The following RASGRP3 variants were observed in gnomAD, a reference collection of about 807,000 sequenced individuals.
RASGRP3 encodes ras guanyl-releasing protein 3.
A neutral mutation model predicts 82.7 loss-of-function variants in RASGRP3; 54 were observed. The observed-to-expected ratio is 0.65, with a 90% CI of 0.52 to 0.82. RASGRP3 has a LOEUF of 0.82. Among genes scored for constraint, RASGRP3 ranks in the 40% least tolerant of loss-of-function variants. RASGRP3 has a pLI of 0.00. For missense variants in RASGRP3, 861 were observed against 828.9 expected (o/e 1.04, Z -0.48); for synonymous variants, 309 against 300.5 (o/e 1.03, Z -0.29).
chr2:33,538,430 G>A (rs4670189), intron 11 of RASGRP3, among the ~76,000 whole-genome samples: 1 of 151,860 alleles, frequency 6.6e-6, no homozygotes, highest in Admixed American at 6.6e-5. Context: ...TTGAACTTGG[G>A]AGGCAGAGGT....
Position 33,549,740 on chromosome 2 carries a change from T to C in RASGRP3, c.1531T>C (p.Cys511Arg), listed in dbSNP as rs1675191280. The C allele has an allele frequency of 1.2e-6, 2 of 1,613,026 alleles. No homozygotes were observed. Among genetic ancestry groups the C allele is most frequent in the Admixed American group, 1.7e-5 (1 of 59,820 alleles). ...TCTCAAGCCAACCTTCTGCGAACAC[T>C]GTGCGGGATTTGTAAGTCTGTTTTC... ...TYLKPTFCEH[C>R]AGFLWGIIKQ... The change falls in exon 14 of 18, where the codon TGT becomes CGT. Residue 511 changes from cysteine to arginine, a missense_variant. Cys to Arg is a radical substitution (Grantham distance 180). Transcript: ENST00000403687.
In RASGRP3 at chr2:33,523,980, G is replaced by C; in HGVS notation, c.618G>C (p.Gln206His). 1 of 1,613,988 alleles carries C rather than the reference G, an allele frequency of 6.2e-7. No individual in the cohort carries two copies. The highest frequency in any genetic ancestry group is 8.5e-7 in the Non-Finnish European group (1 of 1,179,870). The change falls in exon 8 of 18, where the codon CAG (glutamine) becomes CAC (histidine). Residue 206 changes from glutamine to histidine, a missense_variant. Coordinates refer to ENST00000403687, the MANE Select transcript of RASGRP3 (RefSeq NM_001139488.2). Reference sequence around the variant, plus strand: ...TTAATGGAATCTCTAAGTGGGTCCAGTTGATGGTTCTTAGCAAACCAACCC... The same window carrying C: ...TTAATGGAATCTCTAAGTGGGTCCACTTGATGGTTCTTAGCAAACCAACCC... ...ALFNGISKWV[Q>H]LMVLSKPTPQ... is the part of the protein sequence containing the mutation.
chr2:33,467,757 A>G lies in RASGRP3; in HGVS notation c.-261+19814A>G, dbSNP rs180681015. On this transcript the variant is annotated intron_variant, in intron 2 of 18. Coordinates refer to the RASGRP3 transcript ENST00000402538. The stretch of plus-strand genomic sequence containing the variant: ...CTGACAGTGCCTATATGAGATTGGT[A>G]CCTTTTGGGAATTTCTACCTAAGGC... Among the ~76,000 whole-genome samples, 4 of 152,258 alleles carry G rather than the reference A, an allele frequency of 2.6e-5. No homozygotes were observed. In the East Asian group the frequency reaches 7.7e-4, roughly 29 times the overall value.
intron 1 of RASGRP3, among the ~76,000 whole-genome samples, chr2:33,494,655 T>A (rs1669153523): frequency 1.3e-5 from 2 of 152,166 alleles, no homozygotes; most frequent in South Asian, 4.1e-4. Flanking sequence ...TAAGCACGAA[T>A]AGGTACATAT....
intron 1 of RASGRP3, among the ~76,000 whole-genome samples, chr2:33,478,741 T>G (rs559016738): frequency 4.1e-4 from 63 of 152,340 alleles, no homozygotes; most frequent in Non-Finnish European, 7.2e-4. Flanking sequence ...ATGAGGAAAC[T>G]GTAGCAAATT....
At chr2:33,460,514 T>C (rs1297068565) in intron 2 of RASGRP3, among the ~76,000 whole-genome samples, 1 of 149,542 alleles carries the variant, frequency 6.7e-6, no homozygotes, top group East Asian at 1.9e-4. Flanking sequence ...TTTTTAGATA[T>C]AATTTTTTTT....
At chr2:33,559,156 A>G (rs1348224465) in intron 17 of RASGRP3, 126 bp downstream of exon 17, 2 of 774,900 alleles carry the variant, frequency 2.6e-6, no homozygotes, top group Non-Finnish European at 4.0e-6. Flanking sequence ...GAATGAAGAC[A>G]TGTATCACTT....
upstream of RASGRP3, among the ~76,000 whole-genome samples, chr2:33,474,835 T>C (rs1357889155): frequency 6.6e-6 from 1 of 152,250 alleles, no homozygotes; most frequent in Non-Finnish European, 1.5e-5. Flanking sequence ...CAAGTATTTA[T>C]AGCAATGCAA....
At chr2:33,473,711 G>T (rs867174202), upstream of RASGRP3, among the ~76,000 whole-genome samples, 2 of 152,166 alleles carry the variant, frequency 1.3e-5, no homozygotes, top group Non-Finnish European at 2.9e-5. Flanking sequence ...TGACTGAAAG[G>T]GTCCTGGGTC....
chr2:33,464,064 T>C (rs1302074695), intron 2 of RASGRP3, among the ~76,000 whole-genome samples: 1 of 149,802 alleles, frequency 6.7e-6, no homozygotes, highest in Non-Finnish European at 1.5e-5. Flanking sequence ...TCACTTCATT[T>C]CTCATTTTAG....
intron 1 of RASGRP3, among the ~76,000 whole-genome samples, chr2:33,486,361 T>C (rs568847724): frequency 6.6e-6 from 1 of 151,934 alleles, no homozygotes. Flanking sequence ...AGAGATGGGG[T>C]TTTGCCATAT....
At chr2:33,464,110 A>AATAATT (rs1398514920) in intron 2 of RASGRP3, among the ~76,000 whole-genome samples, 3,190 of 144,180 alleles carry the variant, frequency 0.022, 101 homozygotes, top group East Asian at 0.089. Context: ...TAATAATAAT[A>AATAATT]ATTATTATTA....
intron 1 of RASGRP3, among the ~76,000 whole-genome samples, chr2:33,507,220 C>A (rs1670463547): frequency 6.6e-6 from 1 of 152,128 alleles, no homozygotes; most frequent in Non-Finnish European, 1.5e-5. Context: ...CATGGTGAAA[C>A]CCCATCTCTA....
intron 17 of RASGRP3, among the ~76,000 whole-genome samples, chr2:33,560,251 C>T (rs1015081778): frequency 1.2e-4 from 19 of 152,152 alleles, no homozygotes; most frequent in Admixed American, 3.9e-4. Context: ...CCCCAGCCAA[C>T]TAATTTATTT....
chr2:33,450,893 AGTG>A (rs1422234104), intron 2 of RASGRP3, among the ~76,000 whole-genome samples: 1 of 110,756 alleles, frequency 9.0e-6, no homozygotes, highest in African/African-American at 3.6e-5. Flanking sequence ...GCTGGAGTGT[AGTG>A]GCATGATCTC....
intron 4 of RASGRP3, chr2:33,516,868 G>A: frequency 2.6e-6 from 1 of 389,994 alleles, no homozygotes; most frequent in Non-Finnish European, 4.6e-6. Context: ...TAATCACTAA[G>A]ATGTAAAATG....
chr2:33,440,955 C>G (rs912428781), intron 1 of RASGRP3, among the ~76,000 whole-genome samples: 2 of 152,100 alleles, frequency 1.3e-5, no homozygotes, highest in African/African-American at 2.4e-5. Flanking sequence ...TGCAGTGGCA[C>G]AAGCTCGGCT....
intron 2 of RASGRP3, among the ~76,000 whole-genome samples, chr2:33,456,809 T>G (rs538874669): frequency 6.6e-6 from 1 of 152,206 alleles, no homozygotes; most frequent in Non-Finnish European, 1.5e-5. Context: ...TTTGTAAACT[T>G]GTTTTACTTA....
chr2:33,551,512 T>C (rs1675358459), intron 14 of RASGRP3, among the ~76,000 whole-genome samples: 2 of 152,024 alleles, frequency 1.3e-5, no homozygotes, highest in Non-Finnish European at 2.9e-5. Flanking sequence ...ATCTGTCTTT[T>C]GGTGGGCTGT....
Sources: allele counts gnomAD v4.1 joint callset (sites outside exome capture counted in the v4.1 genomes callset), GRCh38; gene constraint gnomAD v4.1.1; transcripts MANE v1.5; gene names NCBI Gene and HGNC (gene_info 2026-07-23, HGNC 2026-07-21).